Variants in YBEY observed in about 807,000 individuals in gnomAD.
The protein encoded by YBEY is ybeY metalloendoribonuclease, also known as endoribonuclease YbeY.
Under a neutral mutation model 13.5 loss-of-function variants are expected in YBEY, and 15 were observed. The observed-to-expected ratio is 1.11, with a 90% confidence interval of 0.75 to 1.72. The LOEUF (loss-of-function observed/expected upper bound fraction) is 1.72, where lower values mean the gene tolerates loss of function less well. Ranked by LOEUF, YBEY falls within the 40% of genes most tolerant of loss-of-function variation. The pLI, the probability that YBEY is intolerant of heterozygous loss-of-function variation, is 0.00. For missense variants in YBEY, 244 were observed against 208.4 expected (o/e 1.17, Z -1.05); for synonymous variants, 101 against 83.1 (o/e 1.21, Z -1.17).
chr21:46,310,482 C>CAAAA, the YBEY span, among the ~76,000 whole-genome samples: 1 of 126,746 alleles, frequency 7.9e-6, no homozygotes, highest in African/African-American at 3.8e-5. Flanking sequence ...TGTCTCAGAA[C>CAAAA]AAAAAAAATA....
chr21:46,296,852 G>A (rs1202229965), intron 4 of YBEY, among the ~76,000 whole-genome samples: 1 of 151,888 alleles, frequency 6.6e-6, no homozygotes, highest in Non-Finnish European at 1.5e-5. Context: ...AAATTAGCTG[G>A]GCCTGGTGGT....
chr21:46,301,507 CTT>C (rs746400019), downstream of YBEY: 15 of 984,920 alleles, frequency 1.5e-5, no homozygotes, highest in Non-Finnish European at 1.8e-5. Flanking sequence ...TTAAATTAGA[CTT>C]TGTGGTATTT....
chr21:46,291,337 C>T lies in YBEY; in HGVS notation c.214C>T (p.Leu72=). The change falls in exon 3 of 5, where the codon CTG becomes TTG. Residue 72 remains leucine (L), a synonymous_variant. Coordinates refer to ENST00000397701, the MANE Select transcript of YBEY (RefSeq NM_001314025.2). ...DVLSFPFHEH[L]KAGEFPQPDF... ...TCTACATTTCCTCATTTTTTAGCATCTGAAAGCAGGTGAATTTCCCCAGCC... is the reference window on the plus strand; with the variant it reads ...TCTACATTTCCTCATTTTTTAGCATTTGAAAGCAGGTGAATTTCCCCAGCC... The T allele has an allele frequency of 6.2e-7, 1 of 1,613,806 alleles. No individual in the cohort carries two copies.
At chr21:46,298,120 T>TAGCC (rs2082010380), downstream of YBEY, among the ~76,000 whole-genome samples, 4 of 152,368 alleles carry the variant, frequency 2.6e-5, no homozygotes, top group South Asian at 8.3e-4. Context: ...GACACCGCTC[T>TAGCC]AGCCAGGGCC....
chr21:46,311,892 C>A, the YBEY span, among the ~76,000 whole-genome samples: 1 of 150,132 alleles, frequency 6.7e-6, no homozygotes, highest in African/African-American at 2.5e-5. Flanking sequence ...ACCATCCAAC[C>A]AGCCAACCAA....
the YBEY span, among the ~76,000 whole-genome samples, chr21:46,303,220 T>C: frequency 0.052 from 7,880 of 151,864 alleles, 260 homozygotes; most frequent in Middle Eastern, 0.11. Context: ...ATGCCTGTAG[T>C]CCCAGCTACT....
chr21:46,299,844 G>C (rs966459008), downstream of YBEY, among the ~76,000 whole-genome samples: 7 of 151,746 alleles, frequency 4.6e-5, no homozygotes, highest in African/African-American at 1.7e-4. Context: ...CCCCTGCCAA[G>C]TAGCCCAAGC....
At position 46,297,579 on chromosome 21, in the gene YBEY, G is replaced by C; in HGVS notation, c.449G>C (p.Arg150Pro). 1 of 1,387,362 alleles carries C rather than the reference G, an allele frequency of 7.2e-7. No homozygotes were observed. Among genetic ancestry groups the C allele is most frequent in the Non-Finnish European group, 9.5e-7 (1 of 1,055,986 alleles). The allele number at this position is 1,387,362 out of a possible 1,614,324, so 85.9% of individuals were successfully genotyped here. The change falls in exon 5 of 5, where the codon CGA becomes CCA. Residue 150 changes from arginine (R) to proline (P), a missense_variant. By Grantham distance (103) the Arg-to-Pro change is moderately radical. Coordinates refer to ENST00000397701, the MANE Select transcript of YBEY (RefSeq NM_001314025.2). ...KEKAVLDELGRRTGTRLQPLT... is the reference protein window; with the variant it reads ...KEKAVLDELGPRTGTRLQPLT... ...AAGGCGGTGCTGGACGAGCTGGGCC[G>C]ACGCACGGGGACCCGGCTGCAGCCC...
At chr21:46,301,084 C>CT, downstream of YBEY, 3 of 1,004,260 alleles carry the variant, frequency 3.0e-6, no homozygotes, top group Non-Finnish European at 3.6e-6. Flanking sequence ...TAGCACTCTC[C>CT]CTTTTTTTTT....
chr21:46,302,526 G>A (rs1200525370), downstream of YBEY: 2 of 1,612,514 alleles, frequency 1.2e-6, no homozygotes, highest in Admixed American at 1.7e-5. Flanking sequence ...CAGTTCTGCA[G>A]GACCAACTGG....
intron 2 of YBEY, among the ~76,000 whole-genome samples, chr21:46,288,220 A>G (rs2081544648): frequency 6.6e-6 from 1 of 152,222 alleles, no homozygotes; most frequent in African/African-American, 2.4e-5. Flanking sequence ...AACAAACTCA[A>G]TGTAATAGCA....
intron 4 of YBEY, among the ~76,000 whole-genome samples, 168 bp downstream of exon 4, chr21:46,296,398 A>G (rs2839202): frequency 6.6e-6 from 1 of 151,216 alleles, no homozygotes; most frequent in South Asian, 2.1e-4. Flanking sequence ...CGGGCTCCCC[A>G]AATACTTCCA....
downstream of YBEY, among the ~76,000 whole-genome samples, chr21:46,299,292 T>C (rs2082050801): frequency 1.3e-5 from 2 of 152,128 alleles, no homozygotes; most frequent in Admixed American, 1.3e-4. Context: ...CTTTAGGGAA[T>C]GTGAGCAAAT....
chr21:46,298,481 T>A (rs74851177), downstream of YBEY, among the ~76,000 whole-genome samples: 70,816 of 131,058 alleles, frequency 0.54, 20,502 homozygotes, highest in Non-Finnish European at 0.64. Context: ...CAGGCTGGAG[T>A]GCAGTGGTGC....
At chr21:46,307,585 A>T in the YBEY span, among the ~76,000 whole-genome samples, 1 of 152,092 alleles carries the variant, frequency 6.6e-6, no homozygotes, top group Non-Finnish European at 1.5e-5. Flanking sequence ...GCTCTCTGCC[A>T]CTCCAGGGGC....
intron 2 of YBEY, 55 bp downstream of exon 2, chr21:46,287,178 C>T: frequency 2.7e-6 from 4 of 1,499,126 alleles, no homozygotes; most frequent in Middle Eastern, 2.1e-4. Flanking sequence ...AGTAAATTTC[C>T]TGTCGTTTTG....
chr21:46,302,700 C>A (rs1413531604), downstream of YBEY: 1 of 771,638 alleles, frequency 1.3e-6, no homozygotes, highest in Admixed American at 2.3e-5. Context: ...CCGGGGCAGG[C>A]TCTGAGTCCG....
chr21:46,297,040 T>C (rs2081974629), intron 4 of YBEY, among the ~76,000 whole-genome samples: 1 of 152,130 alleles, frequency 6.6e-6, no homozygotes, highest in Non-Finnish European at 1.5e-5. Flanking sequence ...GGCTCACGCC[T>C]GTAATCCCAG....
At chr21:46,295,209 C>T (rs2081910199) in intron 3 of YBEY, among the ~76,000 whole-genome samples, 1 of 152,080 alleles carries the variant, frequency 6.6e-6, no homozygotes, top group African/African-American at 2.4e-5. Context: ...TCCCTATTAC[C>T]CTGAGGGGAG....
Sources: allele counts gnomAD v4.1 joint callset (sites outside exome capture counted in the v4.1 genomes callset), GRCh38; gene constraint gnomAD v4.1.1; transcripts MANE v1.5; gene names NCBI Gene and HGNC (gene_info 2026-07-23, HGNC 2026-07-21).